The following LURAP1 variants were observed in gnomAD, a reference collection of about 807,000 sequenced individuals.
LURAP1 encodes the protein leucine rich adaptor protein 1.
LURAP1 carries 14 observed loss-of-function variants against 19.0 expected under a neutral mutation model. The observed-to-expected ratio is 0.74, with a 90% CI of 0.49 to 1.15. The LOEUF (loss-of-function observed/expected upper bound fraction) is 1.15, where lower values mean the gene tolerates loss of function less well. Among genes scored for constraint, LURAP1 ranks in the 50% most tolerant of loss-of-function variants. The pLI is 0.00. For synonymous variants in LURAP1, 129 were observed against 131.8 expected (o/e 0.98, Z 0.14); for missense variants, 273 against 309.1 (o/e 0.88, Z 0.87).
chr1:46,216,024 A>G (rs1465264300), intron 1 of LURAP1, among the ~76,000 whole-genome samples: 1 of 148,734 alleles, frequency 6.7e-6, no homozygotes, highest in African/African-American at 2.5e-5. Flanking sequence ...TTTAAAAATA[A>G]TTTCAACTTT....
intron 1 of LURAP1, among the ~76,000 whole-genome samples, chr1:46,211,886 T>C (rs1362035103): frequency 6.6e-6 from 1 of 152,060 alleles, no homozygotes; most frequent in East Asian, 1.9e-4. Context: ...CTCAGCCTCC[T>C]GAGTAGCTGG....
Position 46,220,136 on chromosome 1 carries a change from G to T in LURAP1, c.636G>T (p.Glu212Asp), listed in dbSNP as rs1408725840. Reference sequence around the variant, plus strand: ...AGAGGCTTCAAGGTGGACCACCTGAGTCACCAGAGGATGAGAGTGCCAAGC... The same window carrying T: ...AGAGGCTTCAAGGTGGACCACCTGATTCACCAGAGGATGAGAGTGCCAAGC... ...PGERLQGGPPESPEDESAKLG... is the reference protein window; with the variant it reads ...PGERLQGGPPDSPEDESAKLG... Residue 212 changes from glutamate (E) to aspartate (D), a missense_variant, in exon 2 of 2, where the codon GAG becomes GAT. Transcript: ENST00000371980. The T allele has an allele frequency of 6.2e-7, 1 of 1,614,220 alleles. No homozygotes were observed. The highest frequency in any genetic ancestry group is 1.1e-5 in the South Asian group (1 of 91,086).
At position 46,219,986 on chromosome 1, in the gene LURAP1, T is replaced by A. The variant is rs752957414; in HGVS notation, c.486T>A (p.Pro162=). 1.9e-6 allele frequency: 3 copies of A among 1,614,234 alleles called. No individual in the cohort carries two copies. The South Asian group carries it at 3.3e-5, about 18-fold the overall frequency. The change falls in exon 2 of 2, where the codon CCT becomes CCA. Residue 162 remains proline (P), a synonymous_variant. Transcript: ENST00000371980. ...APSELDEQGP[P]GAPRSEMDWA... Reference sequence around the variant, plus strand: ...GCGAGCTGGATGAACAGGGCCCACCTGGGGCTCCACGTTCCGAGATGGACT... The same window carrying A: ...GCGAGCTGGATGAACAGGGCCCACCAGGGGCTCCACGTTCCGAGATGGACT...
chr1:46,205,915 A>G (rs986623939), intron 1 of LURAP1, among the ~76,000 whole-genome samples: 3 of 152,180 alleles, frequency 2.0e-5, no homozygotes, highest in African/African-American at 7.2e-5. Context: ...CTGTCCTTCA[A>G]TTGTTCCTCT....
chr1:46,216,677 G>T (rs955525796), intron 1 of LURAP1, among the ~76,000 whole-genome samples: 1 of 151,986 alleles, frequency 6.6e-6, no homozygotes, highest in South Asian at 2.1e-4. Context: ...GGGTACCTGC[G>T]CAGGTTTGTT....
At chr1:46,215,969 A>G (rs922433222) in intron 1 of LURAP1, among the ~76,000 whole-genome samples, 3 of 151,822 alleles carry the variant, frequency 2.0e-5, no homozygotes, top group Non-Finnish European at 4.4e-5. Context: ...CTGGAATTCT[A>G]TATCCTGCCA....
rs149618010 is a variant in LURAP1 at position 46,215,151 on chromosome 1, G to A, written c.199-4548G>A. 4.8e-4 allele frequency among the ~76,000 whole-genome samples: 73 copies of A among 151,086 alleles called. 1 individual carries two copies. Among genetic ancestry groups the A allele is most frequent in the South Asian group, 4.6e-3 (22 of 4,784 alleles). On this transcript the variant is annotated intron_variant, in intron 1 of 1. Transcript: ENST00000371980. ...TGAGGCAGGAGAATGGCGTGAACCC[G>A]GGAGGTGGAGCTTGCAGTAAGCCAA...
At chr1:46,214,867 CAAAAAAAA>C (rs5773905) in intron 1 of LURAP1, among the ~76,000 whole-genome samples, 3 of 89,546 alleles carry the variant, frequency 3.4e-5, no homozygotes, top group East Asian at 6.5e-4. Flanking sequence ...GACTCCATCT[CAAAAAAAA>C]AAAAAAAAAA....
At chr1:46,216,384 C>G (rs1258537855) in intron 1 of LURAP1, among the ~76,000 whole-genome samples, 1 of 151,926 alleles carries the variant, frequency 6.6e-6, no homozygotes, top group Non-Finnish European at 1.5e-5. Flanking sequence ...ATTCTGTCAC[C>G]CAGGCTGGGT....
intron 1 of LURAP1, among the ~76,000 whole-genome samples, chr1:46,206,076 G>C (rs1658706073): frequency 6.6e-6 from 1 of 152,252 alleles, no homozygotes; most frequent in African/African-American, 2.4e-5. Flanking sequence ...ATGGGAAACA[G>C]TGGCAACTTC....
chr1:46,203,360 A>G lies in LURAP1; in HGVS notation c.-67A>G. Reference sequence around the variant, plus strand: ...GTTTTGCTCCGCTTTAGCAGCGGCGAAGGGAGGACCCCCGGGAGCCGGTCC... The same window carrying G: ...GTTTTGCTCCGCTTTAGCAGCGGCGGAGGGAGGACCCCCGGGAGCCGGTCC... On this transcript the variant is annotated 5_prime_UTR_variant, in exon 1 of 2. Coordinates refer to ENST00000371980, the MANE Select transcript of LURAP1 (RefSeq NM_001013615.3). 7.2e-7 allele frequency: 1 copy of G among 1,394,168 alleles called. No homozygotes were observed. Among genetic ancestry groups the G allele is most frequent in the South Asian group, 1.6e-5 (1 of 64,430 alleles). The allele number at this position is 1,394,168 out of a possible 1,614,324, so 86.4% of individuals were successfully genotyped here. A position where few individuals can be genotyped will look rare whatever the true frequency, so the allele number is the denominator to read the frequency against.
At chr1:46,203,726 A>C in intron 1 of LURAP1, 102 bp downstream of exon 1, 1 of 1,127,948 alleles carries the variant, frequency 8.9e-7, no homozygotes, top group Non-Finnish European at 1.2e-6. Context: ...GGTAGTTAAA[A>C]CTCTCCACCT....
Position 46,212,632 on chromosome 1 carries a change from A to G in LURAP1, c.199-7067A>G, listed in dbSNP as rs188989567. 4.6e-5 allele frequency among the ~76,000 whole-genome samples: 7 copies of G among 151,588 alleles called. No homozygotes were observed. In the South Asian group the frequency reaches 1.5e-3, roughly 32 times the overall value. The stretch of plus-strand genomic sequence containing the variant: ...CGCTCTGTCACCCAAGCTATAGTAC[A>G]GTGGCACCATCTCAGCTCACTGTAA... On this transcript the variant is annotated intron_variant, in intron 1 of 1. Coordinates refer to ENST00000371980, the MANE Select transcript of LURAP1 (RefSeq NM_001013615.3).
intron 1 of LURAP1, among the ~76,000 whole-genome samples, chr1:46,214,824 G>A (rs1050622829): frequency 7.7e-6 from 1 of 129,060 alleles, no homozygotes; most frequent in Non-Finnish European, 1.5e-5. Flanking sequence ...CAAGATGTGC[G>A]CCATTGCACT....
intron 1 of LURAP1, among the ~76,000 whole-genome samples, chr1:46,207,606 T>TCGG (rs1357098047): frequency 6.6e-6 from 1 of 151,860 alleles, no homozygotes; most frequent in Non-Finnish European, 1.5e-5. Flanking sequence ...TGGTGCGATC[T>TCGG]CGGCTCACTG....
At chr1:46,209,348 C>T (rs975938162) in intron 1 of LURAP1, among the ~76,000 whole-genome samples, 6 of 151,970 alleles carry the variant, frequency 3.9e-5, no homozygotes, top group Admixed American at 1.3e-4. Context: ...TGCAAAAACC[C>T]TTAAAGGTCT....
At chr1:46,212,194 G>A (rs1658917929) in intron 1 of LURAP1, among the ~76,000 whole-genome samples, 1 of 152,110 alleles carries the variant, frequency 6.6e-6, no homozygotes, top group East Asian at 1.9e-4. Context: ...TGACCTGCGG[G>A]ATCTGACCTG....
intron 1 of LURAP1, among the ~76,000 whole-genome samples, chr1:46,210,337 A>G (rs1658855081): frequency 6.6e-6 from 1 of 152,064 alleles, no homozygotes; most frequent in South Asian, 2.1e-4. Context: ...AAGACCCCAA[A>G]ATATATGAGG....
intron 1 of LURAP1, among the ~76,000 whole-genome samples, chr1:46,208,736 G>T (rs984343987): frequency 3.9e-5 from 6 of 152,136 alleles, no homozygotes; most frequent in Non-Finnish European, 8.8e-5. Context: ...AGCTACTAGG[G>T]AAGCTGAGGC....
Sources: gnomAD v4.1 joint callset for allele counts (sites outside exome capture counted in the v4.1 genomes callset) on GRCh38, gnomAD v4.1.1 for gene constraint, MANE v1.5 for transcripts, NCBI Gene and HGNC (gene_info 2026-07-23, HGNC 2026-07-21) for gene names.